The following EXOSC6 variants were observed in gnomAD, a reference collection of about 807,000 sequenced individuals.
The protein encoded by EXOSC6 is exosome component 6.
Under a neutral mutation model 16.7 loss-of-function variants are expected in EXOSC6, and 21 were observed. That is an observed-to-expected ratio of 1.26 (90% CI 0.89 to 1.82). The LOEUF is 1.82. Ranked by LOEUF, EXOSC6 falls within the 40% of genes most tolerant of loss-of-function variation. The pLI, the probability that EXOSC6 is intolerant of heterozygous loss-of-function variation, is 0.00. For synonymous variants in EXOSC6, 297 were observed against 217.1 expected (o/e 1.37, Z -3.24); for missense variants, 538 against 415.7 (o/e 1.29, Z -2.56).
rs761978743 is a variant in EXOSC6, at chr16:70,251,117, C to T, written c.784G>A (p.Ala262Thr). The T allele has an allele frequency of 6.6e-6, 10 of 1,509,834 alleles. No individual in the cohort carries two copies. Among genetic ancestry groups the T allele is most frequent in the Admixed American group, 2.1e-5 (1 of 46,522 alleles). The allele number at this position is 1,509,834 out of a possible 1,614,324, so 93.5% of individuals were successfully genotyped here. A position where few individuals can be genotyped will look rare whatever the true frequency, so the allele number is the denominator to read the frequency against. The change falls in exon 1 of 1, where the codon GCC becomes ACC. Residue 262 changes from alanine (A) to threonine (T), a missense_variant. Ala to Thr is a moderately conservative substitution (Grantham distance 58). Transcript: ENST00000435634. ...GCGGCGGCGCCCCTGCGGCGGGCGGCCCGCACCAGGCTCTGCTGCAGCACG... is the reference window on the plus strand; with the variant it reads ...GCGGCGGCGCCCCTGCGGCGGGCGGTCCGCACCAGGCTCTGCTGCAGCACG... ...YPVLQQSLVR[A>T]ARRRGAAAQP
chr16:70,248,529 TGTTCA>T lies in EXOSC6; in HGVS notation c.*2548_*2552del, dbSNP rs1291822557. 2 of 152,196 alleles carry T rather than the reference TGTTCA, an allele frequency of 1.3e-5. No homozygotes were observed. Among genetic ancestry groups the T allele is most frequent in the African/African-American group, 4.8e-5 (2 of 41,444 alleles). 9.4% of individuals were successfully genotyped at this position (152,196 alleles called of 1,614,324 possible). A position where few individuals can be genotyped will look rare whatever the true frequency, so the allele number is the denominator to read the frequency against. On this transcript the variant is annotated 3_prime_UTR_variant, in exon 1 of 1. Coordinates refer to ENST00000435634, the MANE Select transcript of EXOSC6 (RefSeq NM_058219.3). ...GAATAAGCCCAAGCTGGTGGCATTC[TGTTCA>T]GTTACAGGTAATTTTCTGAATCTTC...
rs980818074 is a variant in EXOSC6, at chr16:70,251,220, G to A, written c.681C>T (p.Gly227=). The part of the protein sequence containing the change: ...PVLNQVAGLL[G]SGEGGLTESW... ...TCTCTGTCAGGCCGCCCTCGCCGCT[G>A]CCCAGCAGCCCGGCCACCTGATTCA... Residue 227 remains glycine (G), a synonymous_variant, in exon 1 of 1, where the codon GGC becomes GGT. Transcript: ENST00000435634. 6.6e-6 allele frequency: 10 copies of A among 1,507,084 alleles called. No individual in the cohort carries two copies. The African/African-American group carries it at 1.0e-4, about 15-fold the overall frequency. 93.4% of individuals were successfully genotyped at this position (1,507,084 alleles called of 1,614,324 possible).
Position 70,248,008 on chromosome 16 carries a change from T to C in EXOSC6, c.*3074A>G, listed in dbSNP as rs926310955. On this transcript the variant is annotated 3_prime_UTR_variant, in exon 1 of 1. Coordinates refer to ENST00000435634, the MANE Select transcript of EXOSC6 (RefSeq NM_058219.3). ...AGGCGGAGGTTGCAGTGAGCCGAGA[T>C]TGTGCCACTGCCCTCCAGCTTGGAC... The C allele has an allele frequency of 6.6e-6, 1 of 152,212 alleles. No homozygotes were observed. The highest frequency in any genetic ancestry group is 2.4e-5 in the African/African-American group (1 of 41,408). 9.4% of individuals were successfully genotyped at this position (152,212 alleles called of 1,614,324 possible). A position where few individuals can be genotyped will look rare whatever the true frequency, so the allele number is the denominator to read the frequency against.
At position 70,251,032 on chromosome 16, in the gene EXOSC6, G is replaced by C; in HGVS notation, c.*50C>G. 7.0e-7 allele frequency: 1 copy of C among 1,424,460 alleles called. No homozygotes were observed. 88.2% of individuals were successfully genotyped at this position (1,424,460 alleles called of 1,614,324 possible). A position where few individuals can be genotyped will look rare whatever the true frequency, so the allele number is the denominator to read the frequency against. Reference sequence around the variant, plus strand: ...CGATGGCGCGGGTCTTTTCGTGGACGGCGGCAGCACGGTCCTCGGCTTGCG... The same window carrying C: ...CGATGGCGCGGGTCTTTTCGTGGACCGCGGCAGCACGGTCCTCGGCTTGCG... On this transcript the variant is annotated 3_prime_UTR_variant, in exon 1 of 1. Coordinates refer to ENST00000435634, the MANE Select transcript of EXOSC6 (RefSeq NM_058219.3).
rs1230903428 is a variant in EXOSC6 at position 70,250,247 on chromosome 16, T to C, written c.*835A>G. 6.6e-6 allele frequency: 1 copy of C among 152,106 alleles called. No homozygotes were observed. The highest frequency in any genetic ancestry group is 1.5e-5 in the Non-Finnish European group (1 of 68,048). 9.4% of individuals were successfully genotyped at this position (152,106 alleles called of 1,614,324 possible). A position where few individuals can be genotyped will look rare whatever the true frequency, so the allele number is the denominator to read the frequency against. On this transcript the variant is annotated 3_prime_UTR_variant, in exon 1 of 1. Coordinates refer to ENST00000435634, the MANE Select transcript of EXOSC6 (RefSeq NM_058219.3). ...AACAGGAAACCATCTCTACATTTTT[T>C]TTACTCAATCGACCCTGAATGCTAC...
At position 70,251,858 on chromosome 16, in the gene EXOSC6, G is replaced by C. The variant is rs1190140507; in HGVS notation, c.43C>G (p.Gln15Glu). The C allele has an allele frequency of 2.6e-6, 4 of 1,553,926 alleles. No individual in the cohort carries two copies. Among genetic ancestry groups the C allele is most frequent in the Non-Finnish European group, 3.4e-6 (4 of 1,160,438 alleles). ...HRRIRGPEES[Q>E]PPQLYAADEE... ...TCGGCCGCGTACAGCTGCGGCGGCT[G>C]CGATTCTTCAGGGCCGCGGATGCGG... The change falls in exon 1 of 1, where the codon CAG becomes GAG. Residue 15 changes from glutamine (Q) to glutamate (E), a missense_variant. Coordinates refer to ENST00000435634, the MANE Select transcript of EXOSC6 (RefSeq NM_058219.3).
chr16:70,251,437 C>G lies in EXOSC6; in HGVS notation c.464G>C (p.Gly155Ala). ...GGTGAGCGCGGCGGCCAGGGCCGAG[C>G]CACCGTCCTCCAGCAGCAGCGCCGA... ...EVSALLLEDG[G>A]SALAAALTAA... Residue 155 changes from glycine to alanine, a missense_variant, in exon 1 of 1, where the codon GGC (glycine) becomes GCC (alanine). By Grantham distance (60) the Gly-to-Ala change is moderately conservative. Coordinates refer to ENST00000435634, the MANE Select transcript of EXOSC6 (RefSeq NM_058219.3). 1 of 1,346,620 alleles carries G rather than the reference C, an allele frequency of 7.4e-7. No individual in the cohort carries two copies. The highest frequency in any genetic ancestry group is 1.8e-5 in the South Asian group (1 of 55,534). 83.4% of individuals were successfully genotyped at this position (1,346,620 alleles called of 1,614,324 possible). A position where few individuals can be genotyped will look rare whatever the true frequency, so the allele number is the denominator to read the frequency against.
chr16:70,249,139 TAG>T lies in EXOSC6; in HGVS notation c.*1941_*1942del, dbSNP rs1233846169. On this transcript the variant is annotated 3_prime_UTR_variant, in exon 1 of 1. Coordinates refer to ENST00000435634, the MANE Select transcript of EXOSC6 (RefSeq NM_058219.3). Reference sequence around the variant, plus strand: ...TTAGGCCAGGTGTGGTGGCTCATGATAGTAATCACAGTACTTTGGGAGGCCAA... The same window carrying T: ...TTAGGCCAGGTGTGGTGGCTCATGATTAATCACAGTACTTTGGGAGGCCAA... 6.6e-6 allele frequency: 1 copy of T among 151,848 alleles called. No homozygotes were observed. The highest frequency in any genetic ancestry group is 1.5e-5 in the Non-Finnish European group (1 of 68,010). The allele number at this position is 151,848 out of a possible 1,614,324, so 9.4% of individuals were successfully genotyped here.
Position 70,251,338 on chromosome 16 carries a change from G to A in EXOSC6, c.563C>T (p.Ala188Val), listed in dbSNP as rs1196934419. 7.2e-7 allele frequency: 1 copy of A among 1,380,200 alleles called. No homozygotes were observed. The highest frequency in any genetic ancestry group is 3.1e-5 in the East Asian group (1 of 32,380). 85.5% of individuals were successfully genotyped at this position (1,380,200 alleles called of 1,614,324 possible). A position where few individuals can be genotyped will look rare whatever the true frequency, so the allele number is the denominator to read the frequency against. The change falls in exon 1 of 1, where the codon GCG (alanine) becomes GTG (valine). Residue 188 changes from alanine (A) to valine (V), a missense_variant. By Grantham distance (64) the Ala-to-Val change is moderately conservative (BLOSUM62 0). Transcript: ENST00000435634. ...GAGCCAGGTGGGCGCGGGCCCCGGC[G>A]CGAGGCTGAGGCCGCAGCCCACCAC... is the stretch of plus-strand genomic sequence containing the variant. ...DLVVGCGLSL[A>V]PGPAPTWLLD... is the part of the protein sequence containing the mutation.
rs1285369683 is a variant in EXOSC6 at position 70,246,807 on chromosome 16, C to T, written c.*4275G>A. The T allele has an allele frequency of 3.4e-6, 2 of 581,708 alleles. No individual in the cohort carries two copies. Among genetic ancestry groups the T allele is most frequent in the Admixed American group, 6.6e-5 (2 of 30,450 alleles). The allele number at this position is 581,708 out of a possible 1,614,324, so 36.0% of individuals were successfully genotyped here. On this transcript the variant is annotated 3_prime_UTR_variant, in exon 1 of 1. Coordinates refer to ENST00000435634, the MANE Select transcript of EXOSC6 (RefSeq NM_058219.3). ...TGACAACAATGAAATAGTTTATTTT[C>T]TTCAAATATTTTAAGGTACGAACGT...
rs1959800414 is a variant in EXOSC6 at position 70,250,970 on chromosome 16, A to C, written c.*112T>G. ...AGGTCAGTCCAACCACAGTCATATC[A>C]GGGCCCTTCCAGGAATTCTCGACGC... On this transcript the variant is annotated 3_prime_UTR_variant, in exon 1 of 1. Coordinates refer to ENST00000435634, the MANE Select transcript of EXOSC6 (RefSeq NM_058219.3). 1 of 1,340,106 alleles carries C rather than the reference A, an allele frequency of 7.5e-7. No individual in the cohort carries two copies. Among genetic ancestry groups the C allele is most frequent in the African/African-American group, 1.5e-5 (1 of 65,340 alleles). The allele number at this position is 1,340,106 out of a possible 1,614,324, so 83.0% of individuals were successfully genotyped here. A position where few individuals can be genotyped will look rare whatever the true frequency, so the allele number is the denominator to read the frequency against.
In EXOSC6 at chr16:70,250,843, G is replaced by A. The variant is rs924042231; in HGVS notation, c.*239C>T. ...TAAAAAAAAGGTCCAGGTAATTTCA[G>A]GGTCCAGCTCCACCACAAGCGCAGC... On this transcript the variant is annotated 3_prime_UTR_variant, in exon 1 of 1. Coordinates refer to ENST00000435634, the MANE Select transcript of EXOSC6 (RefSeq NM_058219.3). The A allele has an allele frequency of 8.2e-5, 35 of 428,118 alleles. No individual in the cohort carries two copies. The highest frequency in any genetic ancestry group is 4.4e-5 in the Admixed American group (1 of 22,628). The allele number at this position is 428,118 out of a possible 1,614,324, so 26.5% of individuals were successfully genotyped here.
At position 70,248,162 on chromosome 16, in the gene EXOSC6, A is replaced by G. The variant is rs1959729807; in HGVS notation, c.*2920T>C. 6.6e-6 allele frequency: 1 copy of G among 152,226 alleles called. No homozygotes were observed. Among genetic ancestry groups the G allele is most frequent in the Non-Finnish European group, 1.5e-5 (1 of 68,046 alleles). 9.4% of individuals were successfully genotyped at this position (152,226 alleles called of 1,614,324 possible). On this transcript the variant is annotated 3_prime_UTR_variant, in exon 1 of 1. Coordinates refer to ENST00000435634, the MANE Select transcript of EXOSC6 (RefSeq NM_058219.3). ...ATCATTTAAAAGACATCTTAGGGGT[A>G]ATTACAGAAATTTGAATATAGAACA...
Position 70,250,958 on chromosome 16 carries a change from C to G in EXOSC6, c.*124G>C. 1 of 1,277,282 alleles carries G rather than the reference C, an allele frequency of 7.8e-7. No homozygotes were observed. Among genetic ancestry groups the G allele is most frequent in the Non-Finnish European group, 1.0e-6 (1 of 974,754 alleles). 79.1% of individuals were successfully genotyped at this position (1,277,282 alleles called of 1,614,324 possible). ...CATCTGGCAGTCAGGTCAGTCCAAC[C>G]ACAGTCATATCAGGGCCCTTCCAGG... On this transcript the variant is annotated 3_prime_UTR_variant, in exon 1 of 1. Coordinates refer to ENST00000435634, the MANE Select transcript of EXOSC6 (RefSeq NM_058219.3).
rs1028340116 is a variant in EXOSC6 at position 70,247,920 on chromosome 16, T to C, written c.*3162A>G. On this transcript the variant is annotated 3_prime_UTR_variant, in exon 1 of 1. Transcript: ENST00000435634. The stretch of plus-strand genomic sequence containing the variant: ...AAATATAAAAATTAGCAGAGCACAG[T>C]GGCACCTGCCTGTAATCCCAGCTAC... 1.5e-4 allele frequency: 23 copies of C among 152,118 alleles called. No individual in the cohort carries two copies. The highest frequency in any genetic ancestry group is 5.6e-4 in the African/African-American group (23 of 41,396). The allele number at this position is 152,118 out of a possible 1,614,324, so 9.4% of individuals were successfully genotyped here.
rs1959764942 is a variant in EXOSC6 at position 70,249,744 on chromosome 16, G to A, written c.*1338C>T. The A allele has an allele frequency of 6.6e-6, 1 of 152,130 alleles. No individual in the cohort carries two copies. The highest frequency in any genetic ancestry group is 2.4e-5 in the African/African-American group (1 of 41,428). 9.4% of individuals were successfully genotyped at this position (152,130 alleles called of 1,614,324 possible). On this transcript the variant is annotated 3_prime_UTR_variant, in exon 1 of 1. Coordinates refer to ENST00000435634, the MANE Select transcript of EXOSC6 (RefSeq NM_058219.3). ...GGCAGATGGATCACTGAGATCAGGA[G>A]TTTGAGACCAGCTTGGCCAACATGA... is the stretch of plus-strand genomic sequence containing the variant.
In EXOSC6 at chr16:70,246,908, T is replaced by C; in HGVS notation, c.*4174A>G. 3.5e-6 allele frequency: 2 copies of C among 573,110 alleles called. No homozygotes were observed. The highest frequency in any genetic ancestry group is 6.6e-6 in the Non-Finnish European group (2 of 303,756). The allele number at this position is 573,110 out of a possible 1,614,324, so 35.5% of individuals were successfully genotyped here. A position where few individuals can be genotyped will look rare whatever the true frequency, so the allele number is the denominator to read the frequency against. ...ATACTCAAAGGAGCAGAGGCATTGT[T>C]TTCCATCTGATTCCTCAGTTCCTCA... On this transcript the variant is annotated 3_prime_UTR_variant, in exon 1 of 1. Coordinates refer to ENST00000435634, the MANE Select transcript of EXOSC6 (RefSeq NM_058219.3).
Position 70,246,888 on chromosome 16 carries a change from CA to C in EXOSC6, c.*4193del. 1.7e-6 allele frequency: 1 copy of C among 579,728 alleles called. No homozygotes were observed. Among genetic ancestry groups the C allele is most frequent in the South Asian group, 1.6e-5 (1 of 63,524 alleles). The allele number at this position is 579,728 out of a possible 1,614,324, so 35.9% of individuals were successfully genotyped here. A position where few individuals can be genotyped will look rare whatever the true frequency, so the allele number is the denominator to read the frequency against. ...AACCTCAAATATCACTGATTATACT[CA>C]AAGGAGCAGAGGCATTGTTTTCCAT... On this transcript the variant is annotated 3_prime_UTR_variant, in exon 1 of 1. Coordinates refer to ENST00000435634, the MANE Select transcript of EXOSC6 (RefSeq NM_058219.3).
In EXOSC6 at chr16:70,251,779, G is replaced by A. The variant is rs1399705744; in HGVS notation, c.122C>T (p.Ala41Val). The stretch of plus-strand genomic sequence containing the variant: ...GGCCTGGCTCAGCAGCCCGGCGCGC[G>A]CGTACACGGGCCGTAGCCGCGTTGG... ...RDPTRLRPVY[A>V]RAGLLSQAKG... The change falls in exon 1 of 1, where the codon GCG (alanine) becomes GTG (valine). Residue 41 changes from alanine (A) to valine (V), a missense_variant. Coordinates refer to ENST00000435634, the MANE Select transcript of EXOSC6 (RefSeq NM_058219.3). 6.9e-7 allele frequency: 1 copy of A among 1,457,850 alleles called. No individual in the cohort carries two copies. The highest frequency in any genetic ancestry group is 9.0e-7 in the Non-Finnish European group (1 of 1,116,448). 90.3% of individuals were successfully genotyped at this position (1,457,850 alleles called of 1,614,324 possible).
Sources: gnomAD v4.1 joint callset for allele counts on GRCh38, gnomAD v4.1.1 for gene constraint, MANE v1.5 for transcripts, NCBI Gene and HGNC (gene_info 2026-07-23, HGNC 2026-07-21) for gene names.